The following PARP12 variants were observed in gnomAD, a reference collection of about 807,000 sequenced individuals.
PARP12 encodes protein mono-ADP-ribosyltransferase PARP12.
Under a neutral mutation model 72.4 loss-of-function variants are expected in PARP12, and 59 were observed. That is an observed-to-expected ratio of 0.81 (90% CI 0.66 to 1.01). PARP12 has a LOEUF of 1.01. Ranked by LOEUF, PARP12 falls within the 50% of genes least tolerant of loss-of-function variation. The probability of loss-of-function intolerance (pLI) is 0.00; values close to 1 mark genes in which losing one functional copy is unlikely to be tolerated. For missense variants in PARP12, 851 were observed against 914.0 expected (o/e 0.93, Z 0.89); for synonymous variants, 403 against 371.4 (o/e 1.09, Z -0.98).
chr7:140,041,591 C>T (rs886464038), intron 6 of PARP12, 53 bp downstream of exon 6: 8 of 1,547,722 alleles, frequency 5.2e-6, no homozygotes, highest in Admixed American at 3.6e-5. Flanking sequence ...TATTTGGCTC[C>T]TCTCTTACAG....
chr7:140,043,246 A>G (rs1002749103), intron 5 of PARP12, among the ~76,000 whole-genome samples: 1 of 152,126 alleles, frequency 6.6e-6, no homozygotes, highest in Non-Finnish European at 1.5e-5. Context: ...TGAGCTCAAA[A>G]TCGATCACAA....
At chr7:140,040,368 G>A (rs907358617) in intron 6 of PARP12, among the ~76,000 whole-genome samples, 1 of 152,214 alleles carries the variant, frequency 6.6e-6, no homozygotes, top group Admixed American at 6.5e-5. Context: ...GCAGGGCAGA[G>A]CAGCAAGCAA....
chr7:140,030,823 G>A (rs1015326524), intron 8 of PARP12, among the ~76,000 whole-genome samples: 4 of 152,112 alleles, frequency 2.6e-5, no homozygotes, highest in East Asian at 1.9e-4. Context: ...TTCAGCTATC[G>A]TTAGTGTTAG....
intron 4 of PARP12, among the ~76,000 whole-genome samples, chr7:140,053,094 T>C (rs921792072): frequency 2.6e-5 from 4 of 152,190 alleles, no homozygotes; most frequent in African/African-American, 9.7e-5. Context: ...TATGTCTGTC[T>C]TTTACCCAAG....
At chr7:140,036,222 G>A (rs1816191541) in intron 7 of PARP12, among the ~76,000 whole-genome samples, 1 of 152,186 alleles carries the variant, frequency 6.6e-6, no homozygotes, top group Non-Finnish European at 1.5e-5. Context: ...AATGATCAAG[G>A]TAGTATCTGA....
intron 6 of PARP12, 119 bp downstream of exon 6, chr7:140,041,525 C>T (rs1816467419): frequency 7.0e-6 from 7 of 1,003,582 alleles, no homozygotes; most frequent in Non-Finnish European, 1.0e-5. Context: ...GCCACACTGG[C>T]ACCTGGGGAT....
At chr7:140,052,574 T>G (rs1817007739) in intron 4 of PARP12, among the ~76,000 whole-genome samples, 1 of 152,204 alleles carries the variant, frequency 6.6e-6, no homozygotes, top group African/African-American at 2.4e-5. Flanking sequence ...AGGGGCTCTT[T>G]CCAAATTGAT....
chr7:140,062,599 C>T lies in PARP12; in HGVS notation c.249G>A (p.Pro83=), dbSNP rs1287710123. The change falls in exon 1 of 12, where the codon CCG becomes CCA. Residue 83 remains proline (P), a synonymous_variant. Transcript: ENST00000263549. ...GCTGCGCGCAGAGCCCCACGCAGCC[C>T]GGCTTGGAGCCCTGGTGCGCGCGAC... ...RLCRAHQGSK[P]GCVGLCAQLH... The T allele has an allele frequency of 3.3e-6, 5 of 1,521,988 alleles. No homozygotes were observed. In the South Asian group the frequency reaches 3.6e-5, roughly 11 times the overall value. The allele number at this position is 1,521,988 out of a possible 1,614,324, so 94.3% of individuals were successfully genotyped here. A position where few individuals can be genotyped will look rare whatever the true frequency, so the allele number is the denominator to read the frequency against.
rs771741602 is a variant in PARP12, at chr7:140,062,619, C to T, written c.229G>A (p.Ala77Thr). 7 of 1,500,178 alleles carry T rather than the reference C, an allele frequency of 4.7e-6. No homozygotes were observed. The South Asian group carries it at 8.6e-5, about 18-fold the overall frequency. 92.9% of individuals were successfully genotyped at this position (1,500,178 alleles called of 1,614,324 possible). The change falls in exon 1 of 12, where the codon GCG becomes ACG. Residue 77 changes from alanine (A) to threonine (T), a missense_variant. By Grantham distance (58) the Ala-to-Thr change is moderately conservative (BLOSUM62 0). This residue lies in a region of PARP12 where 492 missense variants were observed against 489.3 expected (regional missense o/e 1.01). Transcript: ENST00000263549. The stretch of plus-strand genomic sequence containing the variant: ...CAGCCCGGCTTGGAGCCCTGGTGCG[C>T]GCGACACAGGCGCAGCGGCGAGGCG... ...LAASPLRLCRAHQGSKPGCVG... is the reference protein window; with the variant it reads ...LAASPLRLCRTHQGSKPGCVG...
intron 8 of PARP12, among the ~76,000 whole-genome samples, chr7:140,030,966 A>G (rs939526241): frequency 6.6e-6 from 1 of 152,228 alleles, no homozygotes; most frequent in Non-Finnish European, 1.5e-5. Flanking sequence ...TGAAACTTTC[A>G]GAGTATAAAA....
At chr7:140,039,369 C>T (rs965974682) in intron 6 of PARP12, among the ~76,000 whole-genome samples, 3 of 152,178 alleles carry the variant, frequency 2.0e-5, no homozygotes, top group Admixed American at 6.5e-5. Context: ...AGTCAAAATC[C>T]CTGCAGATGG....
intron 8 of PARP12, chr7:140,033,740 C>T (rs889019371): frequency 3.2e-5 from 32 of 989,356 alleles, no homozygotes; most frequent in Non-Finnish European, 3.7e-5. Flanking sequence ...TGGCTCCTGG[C>T]AGCCATCTTG....
intron 1 of PARP12, among the ~76,000 whole-genome samples, chr7:140,058,783 T>C (rs1277682876): frequency 1.3e-5 from 2 of 152,124 alleles, no homozygotes; most frequent in African/African-American, 4.8e-5. Flanking sequence ...CCTGACAGTA[T>C]TTACAAGCAC....
intron 4 of PARP12, 142 bp from the exon 5 acceptor site, chr7:140,047,149 C>A: frequency 1.2e-6 from 1 of 866,934 alleles, no homozygotes; most frequent in Non-Finnish European, 1.7e-6. Flanking sequence ...TCAGTGCCGG[C>A]ATGCCTGAGC....
Position 140,024,538 on chromosome 7 carries a change from G to A in PARP12, c.*22C>T, listed in dbSNP as rs760138203. On this transcript the variant is annotated 3_prime_UTR_variant, in exon 12 of 12. Coordinates refer to ENST00000263549, the MANE Select transcript of PARP12 (RefSeq NM_022750.4). ...CCATTTCAAGGCAGAGCAGGTGAAA[G>A]GCCTGGAACACTCCTGTGCGCTCAC... 11 of 1,612,836 alleles carry A rather than the reference G, an allele frequency of 6.8e-6. No individual in the cohort carries two copies. Among genetic ancestry groups the A allele is most frequent in the South Asian group, 2.2e-5 (2 of 90,996 alleles).
At chr7:140,062,380 G>T in intron 1 of PARP12, 142 bp downstream of exon 1, 1 of 858,140 alleles carries the variant, frequency 1.2e-6, no homozygotes, top group Non-Finnish European at 1.7e-6. Context: ...TTAAACGCTC[G>T]CTTTAGTGAA....
intron 8 of PARP12, chr7:140,033,453 TA>T (rs1258990652): frequency 5.1e-6 from 5 of 985,260 alleles, no homozygotes; most frequent in Non-Finnish European, 6.0e-6. Context: ...TAACACTGCC[TA>T]AAGTCCCAGC....
chr7:140,041,664 A>T lies in PARP12; in HGVS notation c.1162T>A (p.Trp388Arg). The change falls in exon 6 of 12, where the codon TGG becomes AGG. Residue 388 changes from tryptophan to arginine, a missense_variant. Physicochemically the swap from Trp to Arg is moderately radical, Grantham distance 101 (BLOSUM62 -3). Coordinates refer to ENST00000263549, the MANE Select transcript of PARP12 (RefSeq NM_022750.4). ...IWYWSDEFGS[W>R]QEYGRQGTVH... is the part of the protein sequence containing the mutation. ...CTTACCTGTCTTCCATATTCCTGCC[A>T]AGAACCAAACTCATCACTCCAGTAC... The T allele has an allele frequency of 5.6e-6, 9 of 1,614,050 alleles. No homozygotes were observed. The highest frequency in any genetic ancestry group is 7.6e-6 in the Non-Finnish European group (9 of 1,179,962).
intron 6 of PARP12, among the ~76,000 whole-genome samples, chr7:140,040,724 G>A (rs935627542): frequency 6.6e-6 from 1 of 152,156 alleles, no homozygotes; most frequent in Non-Finnish European, 1.5e-5. Flanking sequence ...AATACCTATC[G>A]ATTTTCATTT....
Sources: allele counts gnomAD v4.1 joint callset (sites outside exome capture counted in the v4.1 genomes callset), GRCh38; gene constraint gnomAD v4.1.1; regional missense constraint gnomAD v4.1.1; transcripts MANE v1.5; gene names NCBI Gene and HGNC (gene_info 2026-07-23, HGNC 2026-07-21).